The following LNPEP variants were observed in gnomAD, a reference collection of about 807,000 sequenced individuals.
LNPEP encodes leucyl and cystinyl aminopeptidase.
A neutral mutation model predicts 120.6 loss-of-function variants in LNPEP; 64 were observed. That is an observed-to-expected ratio of 0.53 (90% CI 0.43 to 0.65). LNPEP has a LOEUF of 0.65. LNPEP is among the 30% of genes least tolerant of loss of function. LNPEP has a pLI of 0.00. For missense variants in LNPEP, 1,057 were observed against 1,200.0 expected, an observed-to-expected ratio of 0.88 and a Z score of 1.76; for synonymous variants, 435 against 425.4, an observed-to-expected ratio of 1.02 and a Z score of -0.28.
chr5:96,979,006 A>G, intron 1 of LNPEP, 132 bp from the exon 2 acceptor site: 2 of 935,974 alleles, frequency 2.1e-6, no homozygotes. Context: ...AGTAGCTCTG[A>G]GATGGAAATA....
At chr5:96,952,601 A>T (rs1436986642) in intron 1 of LNPEP, among the ~76,000 whole-genome samples, 2 of 152,238 alleles carry the variant, frequency 1.3e-5, no homozygotes, top group African/African-American at 4.8e-5. Flanking sequence ...TGGCCACATT[A>T]TCAGATGCCT....
At chr5:96,941,491 T>A (rs1031843626) in intron 1 of LNPEP, among the ~76,000 whole-genome samples, 2 of 152,194 alleles carry the variant, frequency 1.3e-5, no homozygotes, top group African/African-American at 2.4e-5. Context: ...ATTATTTTTT[T>A]AATTTGAATC....
intron 1 of LNPEP, among the ~76,000 whole-genome samples, chr5:96,941,664 G>A (rs1199852779): frequency 6.6e-6 from 1 of 152,056 alleles, no homozygotes; most frequent in East Asian, 1.9e-4. Flanking sequence ...TTGCCTTGGT[G>A]TTTCTGGACA....
chr5:97,014,947 A>G lies in LNPEP; in HGVS notation c.2228A>G (p.Lys743Arg). The change falls in exon 13 of 18, where the codon AAG becomes AGG. Residue 743 changes from lysine (K) to arginine (R), a missense_variant. By Grantham distance (26) the Lys-to-Arg change is conservative. Coordinates refer to ENST00000231368, the MANE Select transcript of LNPEP (RefSeq NM_005575.3). ...GTTCTTTTATCCTTTAGCCTAGGCA[A>G]GGTACCTCTCAAGAGGGCCTTTGAT... ...NNIFELAGLGKVPLKRAFDLI... is the reference protein window; with the variant it reads ...NNIFELAGLGRVPLKRAFDLI... 1 of 1,561,906 alleles carries G rather than the reference A, an allele frequency of 6.4e-7. No homozygotes were observed. Among genetic ancestry groups the G allele is most frequent in the South Asian group, 1.3e-5 (1 of 79,278 alleles).
At chr5:96,985,855 C>T (rs1790230989) in intron 3 of LNPEP, among the ~76,000 whole-genome samples, 1 of 151,708 alleles carries the variant, frequency 6.6e-6, no homozygotes, top group Non-Finnish European at 1.5e-5. Context: ...GCAGCCATAC[C>T]CAGCAGGCTA....
intron 1 of LNPEP, among the ~76,000 whole-genome samples, chr5:96,951,827 A>G (rs571845848): frequency 6.6e-6 from 1 of 151,996 alleles, no homozygotes; most frequent in African/African-American, 2.4e-5. Flanking sequence ...TTTGTCCTGC[A>G]CTGAAGCAAT....
At chr5:96,986,776 A>G (rs1037488532) in intron 4 of LNPEP, 106 bp downstream of exon 4, 6 of 1,027,832 alleles carry the variant, frequency 5.8e-6, no homozygotes, top group African/African-American at 1.6e-5. Context: ...ATAAGCTTTT[A>G]GATCACACTC....
At position 97,015,092 on chromosome 5, in the gene LNPEP, G is replaced by A. The variant is rs553443702; in HGVS notation, c.2373G>A (p.Leu791=). ...GATACATGGATCTGGCCTCAAGACT[G>A]GTGGTAAGTCTGCCTTTTTGCCAGC... ...KLGYMDLASR[L]VTRVFKLLQN... is the part of the protein sequence containing the mutation. The change falls in exon 13 of 18, where the codon CTG becomes CTA. Residue 791 remains leucine (L), a synonymous_variant. Transcript: ENST00000231368. The A allele has an allele frequency of 3.5e-5, 54 of 1,544,820 alleles. No homozygotes were observed. In the East Asian group the frequency reaches 1.0e-3, roughly 30 times the overall value.
At chr5:96,948,558 T>G (rs575204543) in intron 1 of LNPEP, among the ~76,000 whole-genome samples, 3 of 152,380 alleles carry the variant, frequency 2.0e-5, no homozygotes, top group African/African-American at 7.2e-5. Context: ...ATACATTAAA[T>G]GCATTAAAAT....
chr5:96,972,935 G>A (rs535932275), intron 1 of LNPEP, among the ~76,000 whole-genome samples: 33 of 152,210 alleles, frequency 2.2e-4, no homozygotes, highest in African/African-American at 7.0e-4. Flanking sequence ...TTGCTCCAAT[G>A]TCATGACCTT....
rs1216881555 is a variant in LNPEP at position 96,991,344 on chromosome 5, A to T, written c.1132-1671A>T. Among the ~76,000 whole-genome samples, 4 of 152,196 alleles carry T rather than the reference A, an allele frequency of 2.6e-5. 1 individual carries two copies. Among genetic ancestry groups the T allele is most frequent in the African/African-American group, 9.6e-5 (4 of 41,454 alleles). On this transcript the variant is annotated intron_variant, in intron 4 of 17. Coordinates refer to ENST00000231368, the MANE Select transcript of LNPEP (RefSeq NM_005575.3). ...CCCAGTAGTGGGACTGACAAATCAA[A>T]TGATTCCTCTACTTTTAGTTCTTGA... is the stretch of plus-strand genomic sequence containing the variant.
Position 97,031,960 on chromosome 5 carries a change from A to T in LNPEP, c.*3427A>T, listed in dbSNP as rs1444434127. ...TGACAGTTTGTTGAGATGGATTTTA[A>T]AAAGAGTCTATTTAAACCAAAGTAC... On this transcript the variant is annotated 3_prime_UTR_variant, in exon 18 of 18. Transcript: ENST00000231368. 1 of 152,224 alleles carries T rather than the reference A, an allele frequency of 6.6e-6. No individual in the cohort carries two copies. The highest frequency in any genetic ancestry group is 1.5e-5 in the Non-Finnish European group (1 of 68,042). The allele number at this position is 152,224 out of a possible 1,614,324, so 9.4% of individuals were successfully genotyped here.
intron 8 of LNPEP, among the ~76,000 whole-genome samples, chr5:97,001,493 A>G (rs544698644): frequency 6.6e-6 from 1 of 152,310 alleles, no homozygotes; most frequent in East Asian, 1.9e-4. Flanking sequence ...CCACACAGGC[A>G]GTTGGATATG....
In LNPEP at chr5:97,029,475, A is replaced by G. The variant is rs1461849640; in HGVS notation, c.*942A>G. ...AATGCAATTTAAGTTGCCTTTTGGC[A>G]TCATAGATCATAGAAACTTTCTCTC... On this transcript the variant is annotated 3_prime_UTR_variant, in exon 18 of 18. Coordinates refer to ENST00000231368, the MANE Select transcript of LNPEP (RefSeq NM_005575.3). 1.3e-5 allele frequency: 2 copies of G among 152,374 alleles called. No individual in the cohort carries two copies. The highest frequency in any genetic ancestry group is 1.9e-4 in the East Asian group (1 of 5,336). The allele number at this position is 152,374 out of a possible 1,614,324, so 9.4% of individuals were successfully genotyped here.
At chr5:97,017,483 T>G (rs982618994) in intron 13 of LNPEP, among the ~76,000 whole-genome samples, 1 of 152,142 alleles carries the variant, frequency 6.6e-6, no homozygotes, top group Non-Finnish European at 1.5e-5. Flanking sequence ...TAATGTAATC[T>G]AGCTTATGAA....
At chr5:96,954,431 G>A (rs1232377911) in intron 1 of LNPEP, among the ~76,000 whole-genome samples, 1 of 151,864 alleles carries the variant, frequency 6.6e-6, no homozygotes, top group South Asian at 2.1e-4. Context: ...ACCTTGTATG[G>A]TTCCTTTGTG....
intron 8 of LNPEP, 113 bp downstream of exon 8, chr5:96,998,258 T>G (rs1367482299): frequency 9.4e-6 from 8 of 851,654 alleles, no homozygotes; most frequent in Non-Finnish European, 1.4e-5. Flanking sequence ...TTTTCAGGTA[T>G]TAATGGTAAA....
chr5:97,010,764 T>C (rs1790906916), intron 11 of LNPEP: 2 of 985,332 alleles, frequency 2.0e-6, no homozygotes, highest in Non-Finnish European at 1.2e-6. Context: ...TTGATGACTA[T>C]AGTAAATTAA....
intron 13 of LNPEP, among the ~76,000 whole-genome samples, chr5:97,017,701 T>C (rs556505317): frequency 1.3e-5 from 2 of 152,262 alleles, no homozygotes; most frequent in African/African-American, 4.8e-5. Flanking sequence ...GTAATTAGTA[T>C]GATATCAACA....
Sources: allele counts gnomAD v4.1 joint callset (sites outside exome capture counted in the v4.1 genomes callset), GRCh38; gene constraint gnomAD v4.1.1; transcripts MANE v1.5; gene names NCBI Gene and HGNC (gene_info 2026-07-23, HGNC 2026-07-21).